Variants in HS6ST3 observed in about 807,000 individuals in gnomAD.
HS6ST3 encodes heparan-sulfate 6-O-sulfotransferase 3.
Under a neutral mutation model 36.7 loss-of-function variants are expected in HS6ST3, and 12 were observed. The observed-to-expected ratio is 0.33, with a 90% confidence interval of 0.21 to 0.53. The LOEUF is 0.53. HS6ST3 is among the 20% of genes least tolerant of loss of function. HS6ST3 has a pLI of 0.95. For synonymous variants in HS6ST3, 240 were observed against 257.5 expected (o/e 0.93, Z 0.65); for missense variants, 584 against 640.9 (o/e 0.91, Z 0.96).
At chr13:96,801,769 G>A (rs1375549698) in intron 1 of HS6ST3, among the ~76,000 whole-genome samples, 1 of 152,092 alleles carries the variant, frequency 6.6e-6, no homozygotes, top group Non-Finnish European at 1.5e-5. Context: ...CATTTCTGGA[G>A]CAAACTGGGA....
chr13:96,427,357 G>C lies in HS6ST3; in HGVS notation c.707+335788G>C, dbSNP rs1051150637. 4 of 152,924 alleles carry C rather than the reference G, an allele frequency of 2.6e-5. No homozygotes were observed. The East Asian group carries it at 7.7e-4, about 29-fold the overall frequency. The allele number at this position is 152,924 out of a possible 1,614,324, so 9.5% of individuals were successfully genotyped here. A position where few individuals can be genotyped will look rare whatever the true frequency, so the allele number is the denominator to read the frequency against. On this transcript the variant is annotated intron_variant, in intron 1 of 1. Transcript: ENST00000376705. ...ACCTGTCAAATACTCAGTATCAGTAGATCTCAATGAAGGTTAGCTTCTTTC... is the reference window on the plus strand; with the variant it reads ...ACCTGTCAAATACTCAGTATCAGTACATCTCAATGAAGGTTAGCTTCTTTC...
chr13:96,405,928 T>G (rs1286265475), intron 1 of HS6ST3, among the ~76,000 whole-genome samples: 15 of 152,212 alleles, frequency 9.9e-5, no homozygotes, highest in Admixed American at 9.8e-4. Context: ...GAAAGGGAAA[T>G]TCAGAGATTT....
At chr13:96,773,913 C>G (rs938406811) in intron 1 of HS6ST3, among the ~76,000 whole-genome samples, 2 of 152,186 alleles carry the variant, frequency 1.3e-5, no homozygotes, top group Non-Finnish European at 2.9e-5. Context: ...TTGACAGACA[C>G]CTCATACAGG....
intron 1 of HS6ST3, among the ~76,000 whole-genome samples, chr13:96,330,705 A>C (rs1228156373): frequency 6.8e-6 from 1 of 148,046 alleles, no homozygotes; most frequent in Non-Finnish European, 1.5e-5. Context: ...CGTTCTCTGT[A>C]TTTCCTGAAT....
At chr13:96,230,024 A>T (rs1323933667) in intron 1 of HS6ST3, among the ~76,000 whole-genome samples, 1 of 152,234 alleles carries the variant, frequency 6.6e-6, no homozygotes, top group Non-Finnish European at 1.5e-5. Context: ...AATTGCAAGT[A>T]ACTCAGGTTA....
chr13:96,125,776 T>A (rs1175915336), intron 1 of HS6ST3, among the ~76,000 whole-genome samples: 1 of 151,686 alleles, frequency 6.6e-6, no homozygotes, highest in East Asian at 1.9e-4. Context: ...TTTTTTATTT[T>A]TTATTTTTTT....
intron 1 of HS6ST3, among the ~76,000 whole-genome samples, chr13:96,506,251 T>C (rs1032796891): frequency 6.6e-6 from 1 of 152,118 alleles, no homozygotes; most frequent in Non-Finnish European, 1.5e-5. Flanking sequence ...TCACTACTTT[T>C]AATTATTTTT....
chr13:96,356,501 C>T (rs1340650354), intron 1 of HS6ST3, among the ~76,000 whole-genome samples: 3 of 152,084 alleles, frequency 2.0e-5, no homozygotes, highest in Non-Finnish European at 2.9e-5. Flanking sequence ...CATTAATCTC[C>T]TTGTACATTT....
At chr13:96,641,533 C>T (rs2056570123) in intron 1 of HS6ST3, among the ~76,000 whole-genome samples, 2 of 151,916 alleles carry the variant, frequency 1.3e-5, no homozygotes. Flanking sequence ...GTGGGATTTA[C>T]ATCTGCCATT....
At chr13:96,750,593 T>C (rs975191663) in intron 1 of HS6ST3, among the ~76,000 whole-genome samples, 3 of 152,234 alleles carry the variant, frequency 2.0e-5, no homozygotes, top group Admixed American at 6.5e-5. Context: ...ATGTGCCTTT[T>C]GGCCAAAATA....
intron 1 of HS6ST3, among the ~76,000 whole-genome samples, chr13:96,439,046 G>A (rs1314092028): frequency 4.6e-5 from 7 of 151,142 alleles, no homozygotes; most frequent in Non-Finnish European, 8.8e-5. Flanking sequence ...CAGCCTGGGC[G>A]ATAGAGCAAG....
chr13:96,782,923 C>T (rs953104821), intron 1 of HS6ST3, among the ~76,000 whole-genome samples: 4 of 151,926 alleles, frequency 2.6e-5, no homozygotes, highest in African/African-American at 4.8e-5. Context: ...AATGAGCAGC[C>T]GTTATCTGTG....
At chr13:96,830,414 A>G (rs1878753505) in intron 1 of HS6ST3, among the ~76,000 whole-genome samples, 1 of 152,238 alleles carries the variant, frequency 6.6e-6, no homozygotes, top group African/African-American at 2.4e-5. Flanking sequence ...TTCTTTGCTA[A>G]CACAGATATT....
intron 1 of HS6ST3, among the ~76,000 whole-genome samples, chr13:96,314,876 T>G (rs2054960357): frequency 6.6e-6 from 1 of 152,170 alleles, no homozygotes. Context: ...TGCATATACA[T>G]GTATACATTT....
intron 1 of HS6ST3, among the ~76,000 whole-genome samples, chr13:96,289,104 G>A (rs2054817416): frequency 6.6e-6 from 1 of 151,834 alleles, no homozygotes; most frequent in Admixed American, 6.6e-5. Context: ...GAAAGCCACA[G>A]AATTTATAGG....
intron 1 of HS6ST3, among the ~76,000 whole-genome samples, chr13:96,341,133 G>C (rs1299469798): frequency 6.6e-6 from 1 of 152,168 alleles, no homozygotes; most frequent in Non-Finnish European, 1.5e-5. Flanking sequence ...AAAATGCCAT[G>C]TATTGCTTTT....
At chr13:96,570,693 A>G (rs2056297883) in intron 1 of HS6ST3, among the ~76,000 whole-genome samples, 1 of 152,224 alleles carries the variant, frequency 6.6e-6, no homozygotes, top group African/African-American at 2.4e-5. Context: ...GCATGTTGGC[A>G]GGGGTAAAAA....
chr13:96,399,663 A>G (rs1205797289), intron 1 of HS6ST3, among the ~76,000 whole-genome samples: 1 of 152,240 alleles, frequency 6.6e-6, no homozygotes, highest in Admixed American at 6.5e-5. Context: ...ATCACTGACC[A>G]TTGCCAGATC....
intron 1 of HS6ST3, among the ~76,000 whole-genome samples, chr13:96,613,633 C>T (rs924321004): frequency 1.3e-5 from 2 of 152,108 alleles, no homozygotes; most frequent in Non-Finnish European, 2.9e-5. Context: ...ATGTACTATT[C>T]CTTGTAAGAA....
Sources: allele counts gnomAD v4.1 joint callset (sites outside exome capture counted in the v4.1 genomes callset), GRCh38; gene constraint gnomAD v4.1.1; transcripts MANE v1.5; gene names NCBI Gene and HGNC (gene_info 2026-07-23, HGNC 2026-07-21).